The following BRINP1 variants were observed in gnomAD, a reference collection of about 807,000 sequenced individuals.
BRINP1 encodes BMP/retinoic acid-inducible neural-specific protein 1.
BRINP1 carries 17 observed loss-of-function variants against 72.9 expected under a neutral mutation model. The observed-to-expected ratio is 0.23, with a 90% CI of 0.16 to 0.35. BRINP1 has a LOEUF of 0.35. Among genes scored for constraint, BRINP1 ranks in the 10% least tolerant of loss-of-function variants. The probability of loss-of-function intolerance (pLI) is 1.00; values close to 1 mark genes in which losing one functional copy is unlikely to be tolerated. For missense variants in BRINP1, 850 were observed against 1,001.6 expected (o/e 0.85, Z 2.04); for synonymous variants, 418 against 378.5 (o/e 1.10, Z -1.21).
At chr9:119,305,778 A>G (rs559595113) in intron 2 of BRINP1, among the ~76,000 whole-genome samples, 1 of 152,278 alleles carries the variant, frequency 6.6e-6, no homozygotes, top group African/African-American at 2.4e-5. Flanking sequence ...TTTGCCTTTC[A>G]GTCAGTCTCC....
intron 2 of BRINP1, among the ~76,000 whole-genome samples, chr9:119,271,830 G>C (rs1232440791): frequency 6.6e-6 from 1 of 151,536 alleles, no homozygotes; most frequent in Non-Finnish European, 1.5e-5. Context: ...TTTATTTCTG[G>C]AGAGAATTTG....
chr9:119,357,329 A>G (rs1015792791), intron 1 of BRINP1, among the ~76,000 whole-genome samples: 1 of 152,244 alleles, frequency 6.6e-6, no homozygotes, highest in Non-Finnish European at 1.5e-5. Context: ...TCTGGCTGTC[A>G]CAATTTGGGC....
chr9:119,284,917 C>T (rs1830744671), intron 2 of BRINP1, among the ~76,000 whole-genome samples: 1 of 152,140 alleles, frequency 6.6e-6, no homozygotes, highest in Non-Finnish European at 1.5e-5. Flanking sequence ...CACTACAATA[C>T]TGGGCTCATT....
chr9:119,291,218 C>T (rs1830819063), intron 2 of BRINP1, among the ~76,000 whole-genome samples: 1 of 152,070 alleles, frequency 6.6e-6, no homozygotes, highest in Admixed American at 6.6e-5. Flanking sequence ...CATCCCCATG[C>T]CAGGATAGAG....
intron 7 of BRINP1, among the ~76,000 whole-genome samples, chr9:119,173,837 G>A (rs543778936): frequency 0.029 from 4,129 of 140,532 alleles, 250 homozygotes; most frequent in African/African-American, 0.12. Context: ...AAATAATGCC[G>A]CATATCTACA....
intron 1 of BRINP1, among the ~76,000 whole-genome samples, chr9:119,363,500 C>G (rs891182616): frequency 6.6e-6 from 1 of 152,244 alleles, no homozygotes; most frequent in East Asian, 1.9e-4. Context: ...ACATCACTTT[C>G]TCAGAGGAGG....
intron 2 of BRINP1, among the ~76,000 whole-genome samples, chr9:119,256,785 A>G (rs1227863641): frequency 6.6e-6 from 1 of 152,224 alleles, no homozygotes; most frequent in Non-Finnish European, 1.5e-5. Context: ...TATAGGGCGC[A>G]CTGGATAAAT....
At chr9:119,214,758 G>A (rs1829961446) in intron 5 of BRINP1, among the ~76,000 whole-genome samples, 2 of 152,132 alleles carry the variant, frequency 1.3e-5, no homozygotes, top group East Asian at 1.9e-4. Flanking sequence ...TAGATAGCAG[G>A]GAAACCTTCA....
At chr9:119,207,966 C>T (rs1829875980) in intron 7 of BRINP1, among the ~76,000 whole-genome samples, 1 of 152,152 alleles carries the variant, frequency 6.6e-6, no homozygotes, top group South Asian at 2.1e-4. Context: ...CTACCAGCTG[C>T]AGATCAGAAA....
chr9:119,214,040 G>A lies in BRINP1; in HGVS notation c.801C>T (p.Cys267=). 1.2e-6 allele frequency: 2 copies of A among 1,614,120 alleles called. No individual in the cohort carries two copies. The highest frequency in any genetic ancestry group is 1.7e-6 in the Non-Finnish European group (2 of 1,180,010). The change falls in exon 6 of 8, where the codon TGC becomes TGT. Residue 267 remains cysteine (C), a synonymous_variant. Coordinates refer to ENST00000265922, the MANE Select transcript of BRINP1 (RefSeq NM_014618.3). ...ACTGCGGAAACTCCTCGGCACATTG[G>A]CAGCGACACTGGCTGTTCTGGCACA... ...EYLCQNSQCR[C]QCAEEFPQCN...
chr9:119,236,565 G>A (rs1830193487), intron 5 of BRINP1, among the ~76,000 whole-genome samples: 1 of 152,014 alleles, frequency 6.6e-6, no homozygotes. Context: ...TTCTATTTCT[G>A]TTCCAATTAT....
At chr9:119,204,170 C>T (rs1185786529) in intron 7 of BRINP1, among the ~76,000 whole-genome samples, 1 of 152,092 alleles carries the variant, frequency 6.6e-6, no homozygotes, top group Non-Finnish European at 1.5e-5. Flanking sequence ...GAGAGAGTGT[C>T]ATTGTGGAGA....
chr9:119,326,880 G>A (rs1249697605), intron 1 of BRINP1, among the ~76,000 whole-genome samples: 1 of 152,222 alleles, frequency 6.6e-6, no homozygotes, highest in Admixed American at 6.5e-5. Context: ...ATGCTTCCTG[G>A]AGATGACATC....
chr9:119,213,835 G>A (rs754860637), intron 6 of BRINP1, 84 bp downstream of exon 6: 2 of 1,207,730 alleles, frequency 1.7e-6, no homozygotes, highest in Admixed American at 1.7e-5. Flanking sequence ...TTCCCTTGCA[G>A]CAGTCCTAAT....
intron 5 of BRINP1, among the ~76,000 whole-genome samples, chr9:119,237,048 G>A (rs1224531070): frequency 1.3e-5 from 2 of 152,102 alleles, no homozygotes; most frequent in African/African-American, 4.8e-5. Flanking sequence ...GAATCAAAGA[G>A]TTGCCAAAAG....
intron 2 of BRINP1, among the ~76,000 whole-genome samples, chr9:119,278,207 G>A (rs1352369297): frequency 2.0e-5 from 3 of 152,038 alleles, no homozygotes; most frequent in Non-Finnish European, 4.4e-5. Context: ...GTCCCTTTCA[G>A]AACCTCTGAC....
chr9:119,206,079 A>G (rs1353264136), intron 7 of BRINP1, among the ~76,000 whole-genome samples: 1 of 152,136 alleles, frequency 6.6e-6, no homozygotes, highest in Non-Finnish European at 1.5e-5. Flanking sequence ...ACATGAGGCC[A>G]TTTAGGTCAG....
intron 5 of BRINP1, among the ~76,000 whole-genome samples, chr9:119,220,905 A>G (rs1319888699): frequency 6.6e-6 from 1 of 152,166 alleles, no homozygotes; most frequent in Non-Finnish European, 1.5e-5. Flanking sequence ...ATTTGGGTCA[A>G]TCTAAGCCTT....
At chr9:119,262,899 T>G (rs1830511837) in intron 2 of BRINP1, among the ~76,000 whole-genome samples, 2 of 152,146 alleles carry the variant, frequency 1.3e-5, no homozygotes, top group African/African-American at 4.8e-5. Context: ...ATTTTGGGAG[T>G]AAGGTTTTGT....
Sources: gnomAD v4.1 joint callset for allele counts (sites outside exome capture counted in the v4.1 genomes callset) on GRCh38, gnomAD v4.1.1 for gene constraint, MANE v1.5 for transcripts, NCBI Gene and HGNC (gene_info 2026-07-23, HGNC 2026-07-21) for gene names.